The following ZFAND3 variants were observed in gnomAD, a reference collection of about 807,000 sequenced individuals.
ZFAND3 encodes zinc finger AN1-type containing 3, also known as AN1-type zinc finger protein 3.
A neutral mutation model predicts 29.6 loss-of-function variants in ZFAND3; 10 were observed. The observed-to-expected ratio is 0.34, with a 90% confidence interval of 0.21 to 0.57. The LOEUF (loss-of-function observed/expected upper bound fraction) is 0.57, where lower values mean the gene tolerates loss of function less well. ZFAND3 is among the 20% of genes least tolerant of loss of function. ZFAND3 has a pLI of 0.86. For missense variants in ZFAND3, 230 were observed against 304.5 expected (o/e 0.76, Z 1.82); for synonymous variants, 128 against 112.6 (o/e 1.14, Z -0.87).
At chr6:37,846,718 GT>G (rs1335936940) in intron 1 of ZFAND3, among the ~76,000 whole-genome samples, 6 of 129,266 alleles carry the variant, frequency 4.6e-5, no homozygotes, top group African/African-American at 5.5e-5. Context: ...TTTTTTTTTT[GT>G]TTTTTTTTTT....
At chr6:38,111,166 A>G (rs771125098) in intron 4 of ZFAND3, among the ~76,000 whole-genome samples, 7 of 152,232 alleles carry the variant, frequency 4.6e-5, no homozygotes, top group Non-Finnish European at 8.8e-5. Flanking sequence ...TGGCTAGGAA[A>G]GTACAATTAG....
intron 4 of ZFAND3, among the ~76,000 whole-genome samples, chr6:38,098,535 C>G (rs1232640301): frequency 6.6e-6 from 1 of 150,488 alleles, no homozygotes; most frequent in Non-Finnish European, 1.5e-5. Flanking sequence ...GAGTCTCGCT[C>G]TGTTGCCCAG....
At position 37,951,063 on chromosome 6, in the gene ZFAND3, T is replaced by C. The variant is rs1385484322; in HGVS notation, c.112+21064T>C. Among the ~76,000 whole-genome samples, 3 of 152,240 alleles carry C rather than the reference T, an allele frequency of 2.0e-5. No homozygotes were observed. The East Asian group carries it at 5.8e-4, about 29-fold the overall frequency. ...TTTTTTCAGCAGTGTTTTATAATTC[T>C]TGTTGTAGAGATCTTTCACCTCCCT... On this transcript the variant is annotated intron_variant, in intron 2 of 5. Coordinates refer to ENST00000287218, the MANE Select transcript of ZFAND3 (RefSeq NM_021943.3).
intron 2 of ZFAND3, among the ~76,000 whole-genome samples, chr6:38,026,392 C>T (rs920617519): frequency 7.0e-6 from 1 of 143,384 alleles, no homozygotes. Flanking sequence ...ATGGATTCTG[C>T]TAGCATTTAT....
At chr6:37,926,553 C>T (rs1331679436) in intron 1 of ZFAND3, among the ~76,000 whole-genome samples, 3 of 152,162 alleles carry the variant, frequency 2.0e-5, no homozygotes, top group Non-Finnish European at 2.9e-5. Flanking sequence ...TAGGGTTCAC[C>T]TGGATAATCC....
chr6:37,968,868 G>A (rs764919160), intron 2 of ZFAND3, among the ~76,000 whole-genome samples: 1 of 152,194 alleles, frequency 6.6e-6, no homozygotes, highest in Non-Finnish European at 1.5e-5. Flanking sequence ...AGTGTGTCCA[G>A]TAATCTGCGA....
intron 2 of ZFAND3, among the ~76,000 whole-genome samples, chr6:37,940,692 A>G (rs938164903): frequency 1.8e-4 from 27 of 152,274 alleles, no homozygotes; most frequent in African/African-American, 6.5e-4. Context: ...TGCATATCAC[A>G]TGGCAAAAGC....
chr6:37,873,566 T>C (rs746408571), intron 1 of ZFAND3, among the ~76,000 whole-genome samples: 5 of 152,182 alleles, frequency 3.3e-5, no homozygotes, highest in Non-Finnish European at 5.9e-5. Context: ...ACTTAACAGA[T>C]TGATGGTCCA....
At chr6:37,841,485 T>C (rs776591882) in intron 1 of ZFAND3, among the ~76,000 whole-genome samples, 3 of 152,156 alleles carry the variant, frequency 2.0e-5, no homozygotes, top group Non-Finnish European at 4.4e-5. Context: ...GTTTTTGTTT[T>C]GTTTTGTTTT....
At chr6:38,133,257 A>C (rs1765776801) in intron 5 of ZFAND3, among the ~76,000 whole-genome samples, 2 of 152,148 alleles carry the variant, frequency 1.3e-5, no homozygotes, top group African/African-American at 4.8e-5. Flanking sequence ...GCACTTAACG[A>C]TATTCTTCTG....
chr6:38,087,097 T>TA (rs969114744), intron 4 of ZFAND3, among the ~76,000 whole-genome samples: 2 of 152,006 alleles, frequency 1.3e-5, no homozygotes, highest in Admixed American at 1.3e-4. Context: ...GAAAAGAAAA[T>TA]ATCTCCAATA....
intron 5 of ZFAND3, among the ~76,000 whole-genome samples, chr6:38,143,606 T>C (rs1168168811): frequency 1.3e-5 from 2 of 152,270 alleles, no homozygotes; most frequent in Non-Finnish European, 2.9e-5. Context: ...CTTATGAAAT[T>C]GTTGAGGAGG....
intron 2 of ZFAND3, among the ~76,000 whole-genome samples, chr6:37,974,397 TCTCTC>T (rs1213297973): frequency 2.4e-5 from 2 of 83,534 alleles, no homozygotes; most frequent in African/African-American, 9.0e-5. Flanking sequence ...TCTCTCTCTC[TCTCTC>T]TTTTTTTTTT....
chr6:37,957,789 AC>A lies in ZFAND3; in HGVS notation c.112+27791del, dbSNP rs1762109857. Among the ~76,000 whole-genome samples the A allele has an allele frequency of 3.3e-5, 5 of 152,292 alleles. No individual in the cohort carries two copies. In the South Asian group the frequency reaches 1.0e-3, roughly 32 times the overall value. On this transcript the variant is annotated intron_variant, in intron 2 of 5. Transcript: ENST00000287218. ...CAGTACTTTTGTATGCTAGTTGCAT[AC>A]GGACCTAGGCCGAAATTATGAGGAA...
intron 1 of ZFAND3, among the ~76,000 whole-genome samples, chr6:37,861,407 G>A (rs1270035089): frequency 2.6e-5 from 4 of 152,088 alleles, no homozygotes; most frequent in Admixed American, 6.5e-5. Context: ...AGACAGGAGC[G>A]GGGAGGAAAA....
intron 4 of ZFAND3, among the ~76,000 whole-genome samples, chr6:38,087,605 TC>T (rs1163038732): frequency 2.0e-5 from 3 of 152,202 alleles, no homozygotes; most frequent in Non-Finnish European, 2.9e-5. Flanking sequence ...ACATCATTGA[TC>T]GTCAGAGAAC....
chr6:37,846,590 C>T (rs1258938995), intron 1 of ZFAND3, among the ~76,000 whole-genome samples: 1 of 152,130 alleles, frequency 6.6e-6, no homozygotes, highest in Non-Finnish European at 1.5e-5. Context: ...ATATTTACTC[C>T]TTAACAGTAA....
chr6:37,994,044 A>T (rs1762807047), intron 2 of ZFAND3, among the ~76,000 whole-genome samples: 1 of 152,200 alleles, frequency 6.6e-6, no homozygotes, highest in Non-Finnish European at 1.5e-5. Context: ...TAACTTTTTA[A>T]AAAAACGATT....
chr6:37,952,942 A>G (rs1248649524), intron 2 of ZFAND3, among the ~76,000 whole-genome samples: 4 of 149,812 alleles, frequency 2.7e-5, no homozygotes, highest in Non-Finnish European at 4.4e-5. Flanking sequence ...GGCTATGTCT[A>G]GTTGCCCATC....
Sources: allele counts gnomAD v4.1 joint callset (sites outside exome capture counted in the v4.1 genomes callset), GRCh38; gene constraint gnomAD v4.1.1; transcripts MANE v1.5; gene names NCBI Gene and HGNC (gene_info 2026-07-23, HGNC 2026-07-21).